Variants in TLN2 observed in about 807,000 individuals in gnomAD.
TLN2 encodes talin 2.
A neutral mutation model predicts 294.7 loss-of-function variants in TLN2; 118 were observed. That is an observed-to-expected ratio of 0.40 (90% CI 0.34 to 0.47). The LOEUF (loss-of-function observed/expected upper bound fraction) is 0.47, where lower values mean the gene tolerates loss of function less well. Among genes scored for constraint, TLN2 ranks in the 20% least tolerant of loss-of-function variants. The pLI, the probability that TLN2 is intolerant of heterozygous loss-of-function variation, is 0.84. For synonymous variants in TLN2, 1,431 were observed against 1,304.5 expected (o/e 1.10, Z -2.09); for missense variants, 3,083 against 3,282.2 (o/e 0.94, Z 1.48).
At chr15:62,745,483 C>G (rs1207187968) in intron 32 of TLN2, among the ~76,000 whole-genome samples, 1 of 152,122 alleles carries the variant, frequency 6.6e-6, no homozygotes, top group African/African-American at 2.4e-5. Context: ...TTCAAAATAA[C>G]ATTATAAAGT....
chr15:62,650,020 C>T (rs561983271), intron 4 of TLN2, 64 bp from the exon 5 acceptor site: 108 of 1,537,648 alleles, frequency 7.0e-5, no homozygotes, highest in Non-Finnish European at 9.3e-5. Context: ...GGCTCAGGGC[C>T]TGGAAGTCAG....
intron 1 of TLN2, among the ~76,000 whole-genome samples, chr15:62,573,855 G>A (rs2044148067): frequency 6.6e-6 from 1 of 151,658 alleles, no homozygotes; most frequent in African/African-American, 2.4e-5. Context: ...TTCTATGGAT[G>A]GGGACACAGT....
chr15:62,582,246 A>ACACACACACACACACACACCCCCC (rs764248336), intron 1 of TLN2, among the ~76,000 whole-genome samples: 17 of 137,308 alleles, frequency 1.2e-4, no homozygotes, highest in East Asian at 9.2e-4. Flanking sequence ...ACACACACAC[A>ACACACACACACACACACACCCCCC]CATTCATGCC....
intron 15 of TLN2, 56 bp downstream of exon 15, chr15:62,697,924 G>T: frequency 6.3e-7 from 1 of 1,577,184 alleles, no homozygotes; most frequent in Non-Finnish European, 8.6e-7. Flanking sequence ...CCGCATGCAG[G>T]GTGGACACCA....
chr15:62,763,852 T>G (rs1042145627), intron 40 of TLN2, among the ~76,000 whole-genome samples, 157 bp downstream of exon 40: 1 of 152,074 alleles, frequency 6.6e-6, no homozygotes, highest in African/African-American at 2.4e-5. Context: ...ATCTGGGAAC[T>G]TTTTGGAGAG....
At chr15:62,816,027 A>G (rs1324475251) in intron 52 of TLN2, among the ~76,000 whole-genome samples, 1 of 152,212 alleles carries the variant, frequency 6.6e-6, no homozygotes, top group Non-Finnish European at 1.5e-5. Context: ...CAGCACAGAC[A>G]CACAGGTTGA....
intron 1 of TLN2, among the ~76,000 whole-genome samples, chr15:62,464,305 C>T (rs1296381953): frequency 2.0e-5 from 3 of 152,156 alleles, no homozygotes; most frequent in African/African-American, 7.2e-5. Context: ...CCATCATTCT[C>T]AGCAAACTAT....
At position 62,738,238 on chromosome 15, in the gene TLN2, T is replaced by G; in HGVS notation, c.3592T>G (p.Leu1198Val). The G allele has an allele frequency of 6.2e-7, 1 of 1,614,118 alleles. No individual in the cohort carries two copies. The part of the protein sequence containing the change: ...AQVAKAVSHS[L>V]NNCVNCLPGQ... Reference sequence around the variant, plus strand: ...GGTGGCTAAAGCCGTCTCACACTCCTTGAATAACTGCGTAAATTGCCTCCC... The same window carrying G: ...GGTGGCTAAAGCCGTCTCACACTCCGTGAATAACTGCGTAAATTGCCTCCC... The change falls in exon 30 of 59, where the codon TTG (leucine) becomes GTG (valine). Residue 1198 changes from leucine (L) to valine (V), a missense_variant. Coordinates refer to ENST00000636159, the MANE Select transcript of TLN2 (RefSeq NM_015059.3).
chr15:62,701,108 A>T lies in TLN2; in HGVS notation c.1590A>T (p.Ala530=), dbSNP rs920418963. 3.7e-6 allele frequency: 6 copies of T among 1,613,792 alleles called. No individual in the cohort carries two copies. The highest frequency in any genetic ancestry group is 1.1e-5 in the South Asian group (1 of 91,046). The part of the protein sequence containing the change: ...DSLPPLGQDM[A]SRVWVQNKVD... ...TGTGCCGTTGTCTGGCTTTGCAGGCATCTAGGGTATGGGTTCAGAACAAAG... is the reference window on the plus strand; with the variant it reads ...TGTGCCGTTGTCTGGCTTTGCAGGCTTCTAGGGTATGGGTTCAGAACAAAG... Residue 530 remains alanine (A), a splice_region_variant and synonymous_variant, in exon 17 of 59, where the codon GCA becomes GCT. Transcript: ENST00000636159.
At chr15:62,774,125 T>C (rs1156664231) in intron 42 of TLN2, among the ~76,000 whole-genome samples, 2 of 152,186 alleles carry the variant, frequency 1.3e-5, no homozygotes, top group African/African-American at 4.8e-5. Context: ...GTTCTAATTA[T>C]TCCTTGTTTT....
At chr15:62,793,017 G>A (rs930001630) in intron 46 of TLN2, among the ~76,000 whole-genome samples, 1 of 152,334 alleles carries the variant, frequency 6.6e-6, no homozygotes, top group East Asian at 1.9e-4. Flanking sequence ...ATCCCATGAA[G>A]GTCAGGCCCT....
chr15:62,582,586 G>C (rs550126817), intron 1 of TLN2, among the ~76,000 whole-genome samples: 5 of 152,302 alleles, frequency 3.3e-5, no homozygotes, highest in African/African-American at 1.2e-4. Context: ...CGGCATTGTA[G>C]ACATGTAAGA....
intron 1 of TLN2, among the ~76,000 whole-genome samples, chr15:62,493,357 C>T (rs973725741): frequency 1.3e-5 from 2 of 152,152 alleles, no homozygotes; most frequent in Non-Finnish European, 2.9e-5. Flanking sequence ...ACGTGTCAAA[C>T]ACTGGTGACA....
chr15:62,546,387 C>G (rs958352975), intron 1 of TLN2, among the ~76,000 whole-genome samples: 1 of 152,104 alleles, frequency 6.6e-6, no homozygotes, highest in Non-Finnish European at 1.5e-5. Context: ...GTTTGGTTTG[C>G]TTTTTCTCTG....
intron 28 of TLN2, among the ~76,000 whole-genome samples, chr15:62,736,315 C>CAAA (rs61124774): frequency 9.3e-5 from 7 of 74,994 alleles, no homozygotes; most frequent in African/African-American, 2.4e-4. Context: ...GACTCTGTCT[C>CAAA]AAAAAAAAAA....
chr15:62,529,967 G>A (rs1455855154), intron 1 of TLN2, among the ~76,000 whole-genome samples: 5 of 152,242 alleles, frequency 3.3e-5, no homozygotes, highest in East Asian at 1.9e-4. Flanking sequence ...TAAGGGGGGC[G>A]GATCACCTGA....
At chr15:62,574,579 CAAAAAAAAAAAAAAAAAA>C (rs56279063) in intron 1 of TLN2, among the ~76,000 whole-genome samples, 95 of 46,480 alleles carry the variant, frequency 2.0e-3, no homozygotes, top group Non-Finnish European at 2.5e-3. Context: ...GACCCTGTCT[CAAAAAAAAAAAAAAAAAA>C]AAAAAAAAAA....
chr15:62,835,090 G>A (rs1374364316), intron 55 of TLN2: 5 of 152,424 alleles, frequency 3.3e-5, no homozygotes, highest in African/African-American at 1.2e-4. Context: ...TACCTCACCA[G>A]GCACGTCCCA....
intron 2 of TLN2, among the ~76,000 whole-genome samples, chr15:62,609,051 G>C (rs1411336191): frequency 2.0e-5 from 3 of 152,054 alleles, no homozygotes; most frequent in African/African-American, 4.8e-5. Context: ...TTGTGATGGT[G>C]GTGGTGGTGG....
Sources: allele counts gnomAD v4.1 joint callset (sites outside exome capture counted in the v4.1 genomes callset), GRCh38; gene constraint gnomAD v4.1.1; transcripts MANE v1.5; gene names NCBI Gene and HGNC (gene_info 2026-07-23, HGNC 2026-07-21).